The following CACHD1 variants were observed in gnomAD, a reference collection of about 807,000 sequenced individuals.
CACHD1 encodes VWFA and cache domain-containing protein 1.
In CACHD1, 71 loss-of-function variants were observed where a neutral mutation model predicts 138.7. That is an observed-to-expected ratio of 0.51 (90% CI 0.42 to 0.62). The LOEUF (loss-of-function observed/expected upper bound fraction) is 0.62. Ranked by LOEUF, CACHD1 falls within the 20% of genes least tolerant of loss-of-function variation. The pLI, the probability that CACHD1 is intolerant of heterozygous loss-of-function variation, is 0.00. For missense variants in CACHD1, 1,389 were observed against 1,625.3 expected (o/e 0.85, Z 2.50); for synonymous variants, 578 against 591.5 (o/e 0.98, Z 0.33).
intron 2 of CACHD1, among the ~76,000 whole-genome samples, chr1:64,557,768 TTC>T (rs1308474242): frequency 1.3e-5 from 2 of 151,816 alleles, no homozygotes; most frequent in South Asian, 4.1e-4. Context: ...CATTTTCTTT[TTC>T]TTTTTCTCTT....
At chr1:64,572,401 C>T (rs1005703287) in intron 2 of CACHD1, among the ~76,000 whole-genome samples, 1 of 152,020 alleles carries the variant, frequency 6.6e-6, no homozygotes, top group Non-Finnish European at 1.5e-5. Flanking sequence ...CTGCCTTTCC[C>T]TTTGTTTCTT....
chr1:64,481,127 T>G (rs1381589638), intron 1 of CACHD1, among the ~76,000 whole-genome samples: 7 of 152,208 alleles, frequency 4.6e-5, no homozygotes, highest in Admixed American at 4.6e-4. Flanking sequence ...AAAAAGTAGC[T>G]TATGGTCCAT....
intron 11 of CACHD1, 68 bp downstream of exon 11, chr1:64,653,949 A>G: frequency 7.5e-7 from 1 of 1,327,860 alleles, no homozygotes; most frequent in African/African-American, 1.5e-5. Context: ...GCCACATACG[A>G]GTATTTACTA....
chr1:64,566,630 G>A (rs901864336), intron 2 of CACHD1, among the ~76,000 whole-genome samples: 3 of 149,048 alleles, frequency 2.0e-5, no homozygotes, highest in Admixed American at 2.0e-4. Context: ...TTTTTTAATG[G>A]TCTTTCGTTT....
chr1:64,676,998 AGGCT>A lies in CACHD1; in HGVS notation c.3082_3085del (p.Leu1028LysfsTer53). The A allele has an allele frequency of 6.2e-7, 1 of 1,613,306 alleles. No individual in the cohort carries two copies. The highest frequency in any genetic ancestry group is 8.5e-7 in the Non-Finnish European group (1 of 1,179,460). On this transcript the variant is annotated frameshift_variant, in exon 22 of 27. Coordinates refer to ENST00000651257, the MANE Select transcript of CACHD1 (RefSeq NM_020925.4). LOFTEE classifies it high-confidence loss of function. ...GTGTGTCAACAGCAGGTGCAGTCAG[AGGCT>A]GGAAAGTGGGTAAGCAGAATCTAGT...
intron 1 of CACHD1, among the ~76,000 whole-genome samples, chr1:64,537,454 A>G (rs1480149978): frequency 6.6e-6 from 1 of 152,088 alleles, no homozygotes; most frequent in African/African-American, 2.4e-5. Flanking sequence ...AACAAGGGGG[A>G]AAAAATCACT....
intron 2 of CACHD1, among the ~76,000 whole-genome samples, chr1:64,560,447 T>C (rs557349345): frequency 6.6e-6 from 1 of 152,230 alleles, no homozygotes; most frequent in East Asian, 1.9e-4. Context: ...CTCTTGTGAT[T>C]TTTAAATTTT....
chr1:64,625,315 CG>C (rs1557525381), intron 4 of CACHD1, among the ~76,000 whole-genome samples: 1 of 151,900 alleles, frequency 6.6e-6, no homozygotes, highest in Non-Finnish European at 1.5e-5. Context: ...GGGTGGGAGG[CG>C]GAGTGAGGGA....
At chr1:64,488,817 A>G (rs1301735331) in intron 1 of CACHD1, among the ~76,000 whole-genome samples, 1 of 152,240 alleles carries the variant, frequency 6.6e-6, no homozygotes, top group Non-Finnish European at 1.5e-5. Flanking sequence ...GGAAAATTAA[A>G]TAAATAAGAA....
intron 1 of CACHD1, among the ~76,000 whole-genome samples, chr1:64,520,016 T>C (rs1646486754): frequency 6.6e-6 from 1 of 152,214 alleles, no homozygotes; most frequent in Admixed American, 6.5e-5. Flanking sequence ...AACATTACTC[T>C]CTATGCTTGA....
chr1:64,610,824 G>A (rs1214514597), intron 4 of CACHD1, among the ~76,000 whole-genome samples: 2 of 152,184 alleles, frequency 1.3e-5, no homozygotes, highest in Non-Finnish European at 2.9e-5. Flanking sequence ...CTCTGTGTGG[G>A]GGCTCCAACC....
chr1:64,551,633 A>G (rs1646759767), intron 2 of CACHD1, among the ~76,000 whole-genome samples: 1 of 152,198 alleles, frequency 6.6e-6, no homozygotes, highest in African/African-American at 2.4e-5. Flanking sequence ...TTCATGGAGA[A>G]CAGCTTGACA....
intron 1 of CACHD1, among the ~76,000 whole-genome samples, chr1:64,531,840 T>C (rs1294066637): frequency 1.3e-5 from 2 of 152,216 alleles, no homozygotes; most frequent in African/African-American, 4.8e-5. Flanking sequence ...TACAGTTTAA[T>C]GCCAGACTCA....
At chr1:64,624,655 T>A (rs1328586992) in intron 4 of CACHD1, among the ~76,000 whole-genome samples, 4 of 152,204 alleles carry the variant, frequency 2.6e-5, no homozygotes, top group African/African-American at 9.7e-5. Flanking sequence ...ACAGACTGCC[T>A]TGACTCTCAT....
intron 4 of CACHD1, among the ~76,000 whole-genome samples, chr1:64,616,543 G>A (rs1389228799): frequency 6.6e-6 from 1 of 152,160 alleles, no homozygotes; most frequent in Non-Finnish European, 1.5e-5. Context: ...TATAAAATAT[G>A]CATGCAGAAT....
At chr1:64,475,171 C>CTAT (rs1646167365) in intron 1 of CACHD1, among the ~76,000 whole-genome samples, 1 of 124,266 alleles carries the variant, frequency 8.0e-6, no homozygotes, top group East Asian at 2.5e-4. Context: ...AAATTCCTTC[C>CTAT]TTTTTTTTTT....
chr1:64,487,998 G>A (rs1646253210), intron 1 of CACHD1, among the ~76,000 whole-genome samples: 2 of 152,090 alleles, frequency 1.3e-5, no homozygotes, highest in South Asian at 4.1e-4. Flanking sequence ...TTTATGTTTT[G>A]TAAGTTTCAA....
chr1:64,498,924 T>C (rs1646322302), intron 1 of CACHD1, among the ~76,000 whole-genome samples: 1 of 152,254 alleles, frequency 6.6e-6, no homozygotes, highest in South Asian at 2.1e-4. Context: ...TGGAGAACCA[T>C]CTAAAACAGT....
intron 2 of CACHD1, among the ~76,000 whole-genome samples, chr1:64,573,811 A>G (rs773015748): frequency 2.0e-4 from 31 of 152,158 alleles, no homozygotes; most frequent in Non-Finnish European, 3.2e-4. Flanking sequence ...AATCACCTGT[A>G]AAAATAGCAT....
Sources: allele counts gnomAD v4.1 joint callset (sites outside exome capture counted in the v4.1 genomes callset), GRCh38; gene constraint gnomAD v4.1.1; transcripts MANE v1.5; gene names NCBI Gene and HGNC (gene_info 2026-07-23, HGNC 2026-07-21).